Variants in ZFHX3 observed in about 807,000 individuals in gnomAD.
ZFHX3 encodes zinc finger homeobox protein 3.
ZFHX3 carries 42 observed loss-of-function variants against 279.1 expected under a neutral mutation model. The ratio of observed to expected loss-of-function variants is 0.15; its 90% CI spans 0.12 to 0.19. The LOEUF (loss-of-function observed/expected upper bound fraction) is 0.19. ZFHX3 is among the 10% of genes least tolerant of loss of function. ZFHX3 has a pLI of 1.00. For missense variants in ZFHX3, 4,981 were observed against 4,754.0 expected (o/e 1.05, Z -1.40); for synonymous variants, 2,293 against 1,957.8 (o/e 1.17, Z -4.52).
Position 73,307,422 on chromosome 16 carries a change from G to A in ZFHX3, c.-1194+10818C>T, listed in dbSNP as rs115968532. Among the ~76,000 whole-genome samples, 954 of 152,332 alleles carry A rather than the reference G, an allele frequency of 6.3e-3. 10 individuals are homozygous for A. Among genetic ancestry groups the A allele is most frequent in the African/African-American group, 0.021 (880 of 41,580 alleles). ...GTGAGCACTGAAGGTTGTTGGCCAA[G>A]GAGCTTTTGGAGGCTGGACTTAAAA... On this transcript the variant is annotated intron_variant, in intron 4 of 17. Transcript: ENST00000641206.
intron 1 of ZFHX3, among the ~76,000 whole-genome samples, chr16:73,835,459 T>C (rs1427478734): frequency 8.4e-5 from 5 of 59,512 alleles, no homozygotes; most frequent in Admixed American, 5.2e-4. Context: ...CCTCTTCTGC[T>C]TTTTTTTTTT....
chr16:72,798,190 C>T lies in ZFHX3; in HGVS notation c.4492G>A (p.Asp1498Asn), dbSNP rs1392712848. The change falls in exon 9 of 10, where the codon GAC becomes AAC. Residue 1498 changes from aspartate to asparagine, a missense_variant. Physicochemically the swap from Asp to Asn is conservative, Grantham distance 23. Around this residue, in one of 7 missense-constraint regions of ZFHX3, gnomAD observed 1,751 missense variants for 1,770.0 expected, o/e 0.99. Coordinates refer to ENST00000268489, the MANE Select transcript of ZFHX3 (RefSeq NM_006885.4). ...GTTGGGCTCTGTTTATCTTCCAAGT[C>T]ACTCTCTTCCTCCTTGTCTTCCTCA... Reference protein sequence around the residue: ...IVEEDKEEESDLEDKQSPTGS... With the variant: ...IVEEDKEEESNLEDKQSPTGS... 1 of 1,614,078 alleles carries T rather than the reference C, an allele frequency of 6.2e-7. No homozygotes were observed. Among genetic ancestry groups the T allele is most frequent in the African/African-American group, 1.3e-5 (1 of 74,920 alleles).
chr16:73,595,524 T>C (rs1460674857), intron 2 of ZFHX3, among the ~76,000 whole-genome samples: 1 of 152,308 alleles, frequency 6.6e-6, no homozygotes, highest in African/African-American at 2.4e-5. Context: ...GCTCATTCCA[T>C]AATTGCTCAG....
intron 3 of ZFHX3, among the ~76,000 whole-genome samples, chr16:73,369,727 C>T (rs2016590407): frequency 6.6e-6 from 1 of 152,164 alleles, no homozygotes; most frequent in African/African-American, 2.4e-5. Flanking sequence ...GAGGGCAGGG[C>T]TGTGCTTCTG....
intron 8 of ZFHX3, among the ~76,000 whole-genome samples, chr16:73,066,747 C>G (rs987950078): frequency 1.3e-5 from 2 of 152,220 alleles, no homozygotes; most frequent in Non-Finnish European, 2.9e-5. Context: ...CCCACGCCGC[C>G]CAGGCCCCGT....
intron 2 of ZFHX3, among the ~76,000 whole-genome samples, chr16:73,613,422 T>C (rs945355543): frequency 6.8e-6 from 1 of 147,168 alleles, no homozygotes; most frequent in African/African-American, 2.4e-5. Flanking sequence ...AAAATCAAAA[T>C]TGTTCTTAGC....
At chr16:73,365,975 A>G (rs2016522561) in intron 3 of ZFHX3, among the ~76,000 whole-genome samples, 1 of 152,242 alleles carries the variant, frequency 6.6e-6, no homozygotes, top group Non-Finnish European at 1.5e-5. Flanking sequence ...TCAAAGGTAC[A>G]AGAGAAAACA....
At chr16:72,997,698 T>C (rs1337888306) in intron 1 of ZFHX3, among the ~76,000 whole-genome samples, 2 of 152,250 alleles carry the variant, frequency 1.3e-5, no homozygotes, top group Non-Finnish European at 2.9e-5. Flanking sequence ...CTATGGCTCT[T>C]CCTTCTTTAA....
At chr16:73,378,778 T>C (rs565057329) in intron 3 of ZFHX3, among the ~76,000 whole-genome samples, 1 of 152,314 alleles carries the variant, frequency 6.6e-6, no homozygotes, top group South Asian at 2.1e-4. Context: ...AGAATTTTCT[T>C]TTCACTTGCT....
At chr16:73,245,911 G>C (rs945522510) in intron 5 of ZFHX3, among the ~76,000 whole-genome samples, 1 of 152,180 alleles carries the variant, frequency 6.6e-6, no homozygotes, top group Non-Finnish European at 1.5e-5. Flanking sequence ...GGAACCTTAA[G>C]AGGGTTGAGT....
At chr16:73,406,448 C>T (rs977018339) in intron 3 of ZFHX3, among the ~76,000 whole-genome samples, 1 of 152,312 alleles carries the variant, frequency 6.6e-6, no homozygotes. Context: ...ACCTTTAGGG[C>T]CTGCTTCTGC....
chr16:73,333,906 C>T (rs1240271709), intron 3 of ZFHX3, among the ~76,000 whole-genome samples: 2 of 151,582 alleles, frequency 1.3e-5, no homozygotes, highest in East Asian at 1.9e-4. Flanking sequence ...ACCTTGTATC[C>T]GGCACGCTGA....
intron 2 of ZFHX3, among the ~76,000 whole-genome samples, chr16:73,620,706 T>G (rs752060689): frequency 1.7e-4 from 26 of 152,266 alleles, no homozygotes; most frequent in Non-Finnish European, 3.4e-4. Context: ...AGTGCATCCT[T>G]ATTTATTAAC....
intron 3 of ZFHX3, chr16:73,420,761 T>C (rs1763678466): frequency 6.6e-6 from 1 of 152,224 alleles, no homozygotes; most frequent in Non-Finnish European, 1.5e-5. Context: ...CAGAAACTCT[T>C]CAGTCGTCTT....
intron 2 of ZFHX3, among the ~76,000 whole-genome samples, chr16:73,617,025 C>T (rs2052311331): frequency 6.6e-6 from 1 of 152,172 alleles, no homozygotes; most frequent in African/African-American, 2.4e-5. Context: ...CGGCCATTTT[C>T]TGTGTCAACT....
At position 73,084,324 on chromosome 16, in the gene ZFHX3, A is replaced by G. The variant is rs368613290; in HGVS notation, c.-533+8911T>C. On this transcript the variant is annotated intron_variant, in intron 8 of 17. Coordinates refer to the ZFHX3 transcript ENST00000641206. ...AATTATTACTGTTTGTAGATGACCTATTTTAGAAAAACTTAGAAACACCAC... is the reference window on the plus strand; with the variant it reads ...AATTATTACTGTTTGTAGATGACCTGTTTTAGAAAAACTTAGAAACACCAC... 1.1e-3 allele frequency among the ~76,000 whole-genome samples: 161 copies of G among 152,282 alleles called. 3 individuals are homozygous for G. The South Asian group carries it at 0.032, about 30-fold the overall frequency.
intron 8 of ZFHX3, among the ~76,000 whole-genome samples, chr16:73,069,448 G>C (rs1382097475): frequency 6.6e-6 from 1 of 152,168 alleles, no homozygotes; most frequent in Non-Finnish European, 1.5e-5. Flanking sequence ...TATTCTGCCA[G>C]CTCACGTGTC....
rs746654597 is a variant in ZFHX3, at chr16:72,794,396, T to G, written c.8286A>C (p.Gly2762=). Residue 2762 remains glycine (G), a synonymous_variant, in exon 9 of 10, where the codon GGA becomes GGC. Coordinates refer to ENST00000268489, the MANE Select transcript of ZFHX3 (RefSeq NM_006885.4). This position sits in a 1 kb window ranked among gnomAD's most constrained non-coding sequence, Gnocchi z 4.2. ...LDCDGGLQMK[G]DIFDGTSFSH... is the part of the protein sequence containing the mutation. ...AAAAGCTAGTTCCGTCAAAAATATC[T>G]CCTTTCATCTGGAGTCCCCCATCAC... is the stretch of plus-strand genomic sequence containing the variant. 1 of 1,606,888 alleles carries G rather than the reference T, an allele frequency of 6.2e-7. No individual in the cohort carries two copies. The highest frequency in any genetic ancestry group is 8.5e-7 in the Non-Finnish European group (1 of 1,175,848).
intron 1 of ZFHX3, among the ~76,000 whole-genome samples, chr16:73,766,967 A>AAG (rs1334525770): frequency 4.7e-5 from 6 of 128,938 alleles, no homozygotes; most frequent in Non-Finnish European, 7.9e-5. Flanking sequence ...ATGGAGTCTT[A>AAG]CTCTGTTGCC....
Sources: gnomAD v4.1 joint callset for allele counts (sites outside exome capture counted in the v4.1 genomes callset) on GRCh38, gnomAD v4.1.1 for gene constraint, gnomAD v4.1.1 regional missense constraint, Gnocchi (gnomAD v3.1) non-coding constraint, MANE v1.5 for transcripts, NCBI Gene and HGNC (gene_info 2026-07-23, HGNC 2026-07-21) for gene names.